DGKB: variants seen among roughly 807,000 people sequenced by gnomAD.
DGKB encodes the protein 90 kDa diacylglycerol kinase.
A neutral mutation model predicts 114.3 loss-of-function variants in DGKB; 67 were observed. That is an observed-to-expected ratio of 0.59 (90% CI 0.48 to 0.72). The LOEUF (loss-of-function observed/expected upper bound fraction) is 0.72. DGKB is among the 30% of genes least tolerant of loss of function. The pLI is 0.00. For missense variants in DGKB, 907 were observed against 975.2 expected, an observed-to-expected ratio of 0.93 and a Z score of 0.93; for synonymous variants, 398 against 323.1, an observed-to-expected ratio of 1.23 and a Z score of -2.49.
chr7:14,466,811 G>A (rs769164275), intron 21 of DGKB, among the ~76,000 whole-genome samples: 30 of 152,036 alleles, frequency 2.0e-4, no homozygotes, highest in African/African-American at 4.8e-4. Flanking sequence ...AGCAAGACTC[G>A]TCTCAAAATA....
At chr7:14,965,156 C>T (rs1304038378) in intron 1 of DGKB, among the ~76,000 whole-genome samples, 1 of 151,928 alleles carries the variant, frequency 6.6e-6, no homozygotes, top group Non-Finnish European at 1.5e-5. Flanking sequence ...ATTGAATATA[C>T]CCTAGATATG....
chr7:14,371,692 G>C (rs368373941), intron 21 of DGKB, among the ~76,000 whole-genome samples: 1 of 152,188 alleles, frequency 6.6e-6, no homozygotes, highest in East Asian at 1.9e-4. Context: ...GGTCCCACTT[G>C]ATAATTTTTG....
intron 13 of DGKB, among the ~76,000 whole-genome samples, chr7:14,653,391 A>C (rs938841100): frequency 3.9e-5 from 6 of 152,088 alleles, no homozygotes; most frequent in Non-Finnish European, 5.9e-5. Context: ...CATTCTCAGT[A>C]AACTACTGCA....
At chr7:14,910,176 G>A (rs1389931860) in intron 1 of DGKB, among the ~76,000 whole-genome samples, 1 of 151,594 alleles carries the variant, frequency 6.6e-6, no homozygotes, top group East Asian at 1.9e-4. Flanking sequence ...GGGAGGCAGA[G>A]GTTGCAGTGA....
intron 17 of DGKB, among the ~76,000 whole-genome samples, chr7:14,600,526 A>T (rs80159123): frequency 0.028 from 4,204 of 152,268 alleles, 209 homozygotes; most frequent in African/African-American, 0.096. Flanking sequence ...ATACAGAGTT[A>T]CCACTCCAGG....
intron 23 of DGKB, among the ~76,000 whole-genome samples, chr7:14,188,252 G>A (rs1783742552): frequency 6.6e-6 from 1 of 152,268 alleles, no homozygotes; most frequent in African/African-American, 2.4e-5. Context: ...CTCATAATAG[G>A]AGTGTCAGAG....
At chr7:14,270,238 C>A (rs1056034524) in intron 23 of DGKB, among the ~76,000 whole-genome samples, 1 of 152,112 alleles carries the variant, frequency 6.6e-6, no homozygotes, top group Non-Finnish European at 1.5e-5. Context: ...TTTCTCGAGG[C>A]ATCTCCATTT....
At chr7:14,277,088 C>T (rs1284444274) in intron 23 of DGKB, among the ~76,000 whole-genome samples, 1 of 152,078 alleles carries the variant, frequency 6.6e-6, no homozygotes, top group Non-Finnish European at 1.5e-5. Flanking sequence ...TAAAAAATAT[C>T]TAATTGAAAT....
intron 23 of DGKB, among the ~76,000 whole-genome samples, chr7:14,334,387 TGTGTGTGTGCGC>T (rs1259041189): frequency 0.011 from 939 of 84,976 alleles, 9 homozygotes; most frequent in African/African-American, 0.029. Context: ...TGTGTGTGTG[TGTGTGTGTGCGC>T]GCGCGTGTAT....
At chr7:14,466,235 G>C (rs1367997001) in intron 21 of DGKB, among the ~76,000 whole-genome samples, 1 of 152,124 alleles carries the variant, frequency 6.6e-6, no homozygotes, top group Non-Finnish European at 1.5e-5. Flanking sequence ...AACAAGCTTT[G>C]ATCAACAGAG....
chr7:14,333,635 G>A (rs1394801583), intron 23 of DGKB, among the ~76,000 whole-genome samples: 2 of 152,060 alleles, frequency 1.3e-5, no homozygotes, highest in East Asian at 3.9e-4. Flanking sequence ...GTATGAATGT[G>A]TTGCTTCTCA....
chr7:14,471,200 G>C (rs1427415982), intron 21 of DGKB, among the ~76,000 whole-genome samples: 1 of 72,706 alleles, frequency 1.4e-5, no homozygotes, highest in African/African-American at 4.7e-5. Flanking sequence ...TATATGTATG[G>C]AATATATGTA....
chr7:14,457,805 G>T (rs534669166), intron 21 of DGKB, among the ~76,000 whole-genome samples: 2 of 152,306 alleles, frequency 1.3e-5, no homozygotes, highest in African/African-American at 2.4e-5. Context: ...TCTCAAGTAT[G>T]CCGGCTGACA....
intron 1 of DGKB, among the ~76,000 whole-genome samples, chr7:14,967,109 T>C (rs1388219903): frequency 1.3e-5 from 2 of 152,150 alleles, no homozygotes; most frequent in East Asian, 3.9e-4. Context: ...CTGAATTGAT[T>C]TTAACTTTTA....
intron 20 of DGKB, among the ~76,000 whole-genome samples, chr7:14,564,863 C>T (rs1025149412): frequency 4.6e-5 from 7 of 152,040 alleles, no homozygotes; most frequent in East Asian, 3.9e-4. Context: ...TTCTAGTAGA[C>T]TCTAGGTATT....
Position 14,298,044 on chromosome 7 carries a change from G to A in DGKB, c.2122+40471C>T, listed in dbSNP as rs532220885. On this transcript the variant is annotated intron_variant, in intron 23 of 25. Coordinates refer to ENST00000402815, the MANE Select transcript of DGKB (RefSeq NM_001350709.2). Reference sequence around the variant, plus strand: ...AGGAGAACTGCAAACAACTGCTCAAGGAAAGAAGAAAGAATACAAACAAAT... The same window carrying A: ...AGGAGAACTGCAAACAACTGCTCAAAGAAAGAAGAAAGAATACAAACAAAT... 5.9e-5 allele frequency among the ~76,000 whole-genome samples: 9 copies of A among 152,108 alleles called. No individual in the cohort carries two copies. The South Asian group carries it at 1.7e-3, about 28-fold the overall frequency.
At chr7:14,853,276 G>A (rs1279007406) in intron 1 of DGKB, among the ~76,000 whole-genome samples, 1 of 151,994 alleles carries the variant, frequency 6.6e-6, no homozygotes, top group Non-Finnish European at 1.5e-5. Flanking sequence ...GTCACCAATA[G>A]AAAAATACAT....
chr7:14,736,051 G>A lies in DGKB; in HGVS notation c.312C>T (p.Leu104=), dbSNP rs1375171878. ...SSPMVKSKPA[L]LSGGLRMNKG... ...AGTAAGTAAACTTACCGCCTGATAG[G>A]AGAGCAGGCTTACTTTTTACCATTG... is the stretch of plus-strand genomic sequence containing the variant. The change falls in exon 5 of 26, where the codon CTC becomes CTT. Residue 104 remains leucine, a synonymous_variant. Transcript: ENST00000402815. 3 of 1,596,278 alleles carry A rather than the reference G, an allele frequency of 1.9e-6. No homozygotes were observed. The African/African-American group carries it at 4.0e-5, about 21-fold the overall frequency.
intron 20 of DGKB, among the ~76,000 whole-genome samples, chr7:14,572,171 A>T (rs939277053): frequency 6.6e-6 from 1 of 151,828 alleles, no homozygotes. Flanking sequence ...AATAAAGTAT[A>T]GGCCGGGCGC....
Sources: gnomAD v4.1 joint callset for allele counts (sites outside exome capture counted in the v4.1 genomes callset) on GRCh38, gnomAD v4.1.1 for gene constraint, MANE v1.5 for transcripts, NCBI Gene and HGNC (gene_info 2026-07-23, HGNC 2026-07-21) for gene names.